LDLRAD3: variants seen among roughly 807,000 people sequenced by gnomAD.
The protein encoded by LDLRAD3 is low density lipoprotein receptor class A domain containing 3, also known as low-density lipoprotein receptor class A domain-containing protein 3.
A neutral mutation model predicts 29.4 loss-of-function variants in LDLRAD3; 20 were observed. The ratio of observed to expected loss-of-function variants is 0.68; its 90% CI spans 0.48 to 0.99. LDLRAD3 has a LOEUF of 0.99. LDLRAD3 is among the 50% of genes least tolerant of loss of function. The probability of loss-of-function intolerance (pLI) is 0.00; values close to 1 mark genes in which losing one functional copy is unlikely to be tolerated. For synonymous variants in LDLRAD3, 157 were observed against 192.7 expected (o/e 0.81, Z 1.53); for missense variants, 420 against 454.3 (o/e 0.92, Z 0.69).
intron 1 of LDLRAD3, among the ~76,000 whole-genome samples, chr11:36,023,080 A>C (rs1242816979): frequency 6.6e-6 from 1 of 152,232 alleles, no homozygotes; most frequent in African/African-American, 2.4e-5. Flanking sequence ...GGGATGGACC[A>C]GTTTAATGGA....
chr11:36,052,337 A>G (rs908192380), intron 2 of LDLRAD3, among the ~76,000 whole-genome samples: 4 of 152,230 alleles, frequency 2.6e-5, no homozygotes, highest in Non-Finnish European at 5.9e-5. Context: ...GAAATCAAAT[A>G]GATCGCAGAT....
chr11:36,146,773 C>CTTTACTTTATTTTATTTTAT (rs1854200856), intron 4 of LDLRAD3, among the ~76,000 whole-genome samples: 4 of 143,742 alleles, frequency 2.8e-5, no homozygotes, highest in Non-Finnish European at 6.0e-5. Context: ...TTTCCCTCTA[C>CTTTACTTTATTTTATTTTAT]TTTATTTTAT....
At position 36,213,931 on chromosome 11, in the gene LDLRAD3, C is replaced by T. The variant is rs1277247508; in HGVS notation, c.455-13154C>T. Among the ~76,000 whole-genome samples, 1 of 152,182 alleles carries T rather than the reference C, an allele frequency of 6.6e-6. No homozygotes were observed. Among genetic ancestry groups the T allele is most frequent in the Non-Finnish European group, 1.5e-5 (1 of 68,040 alleles). On this transcript the variant is annotated intron_variant, in intron 4 of 5. Transcript: ENST00000315571. The surrounding 1 kb of genome is among the most constrained non-coding windows in gnomAD (Gnocchi z 4.1). ...TCTTCGTCCAGGTAAAAGGAAACTA[C>T]AGAAGCAAGCTCACAGTCGCTTCAC...
chr11:36,131,426 G>A (rs1051213722), intron 4 of LDLRAD3, among the ~76,000 whole-genome samples: 38 of 152,334 alleles, frequency 2.5e-4, no homozygotes, highest in African/African-American at 8.9e-4. Flanking sequence ...GCCTGGCAGT[G>A]TCCTGGAACG....
At chr11:36,128,141 T>TATA (rs1250416156) in intron 4 of LDLRAD3, among the ~76,000 whole-genome samples, 10 of 129,636 alleles carry the variant, frequency 7.7e-5, no homozygotes, top group East Asian at 2.6e-4. Flanking sequence ...TATATGTATA[T>TATA]GACATGTAGG....
intron 4 of LDLRAD3, among the ~76,000 whole-genome samples, chr11:36,221,815 C>A (rs1422926749): frequency 2.0e-5 from 3 of 152,090 alleles, no homozygotes; most frequent in Non-Finnish European, 4.4e-5. Context: ...CTGGAAGCTC[C>A]CAGTGTTACT....
chr11:35,967,946 C>T, intron 1 of LDLRAD3: 1 of 393,050 alleles, frequency 2.5e-6, no homozygotes, highest in Non-Finnish European at 4.9e-6. Context: ...GCCAAATTCT[C>T]AGGTGAAATC....
intron 2 of LDLRAD3, among the ~76,000 whole-genome samples, chr11:36,055,898 G>C (rs891209646): frequency 1.3e-5 from 2 of 150,076 alleles, no homozygotes; most frequent in African/African-American, 2.4e-5. Context: ...TGCACATGTA[G>C]GAATGAGTTT....
At chr11:35,974,953 A>G (rs1565135746) in intron 1 of LDLRAD3, among the ~76,000 whole-genome samples, 1 of 152,178 alleles carries the variant, frequency 6.6e-6, no homozygotes, top group Non-Finnish European at 1.5e-5. Flanking sequence ...GACCCCACCA[A>G]CTTTTAAGGA....
At chr11:36,028,753 G>A (rs1389840099) in intron 1 of LDLRAD3, among the ~76,000 whole-genome samples, 1 of 151,988 alleles carries the variant, frequency 6.6e-6, no homozygotes, top group African/African-American at 2.4e-5. Flanking sequence ...TAAAAAATTT[G>A]TAGAATATTC....
intron 4 of LDLRAD3, among the ~76,000 whole-genome samples, chr11:36,150,849 C>T (rs1854268935): frequency 6.6e-6 from 1 of 152,196 alleles, no homozygotes; most frequent in Non-Finnish European, 1.5e-5. Flanking sequence ...GGCCTTCTCT[C>T]TACCTCCTGC....
At chr11:36,074,067 G>A (rs1436536329) in intron 2 of LDLRAD3, among the ~76,000 whole-genome samples, 1 of 152,124 alleles carries the variant, frequency 6.6e-6, no homozygotes, top group Non-Finnish European at 1.5e-5. Context: ...CTCATATTAA[G>A]CATTCAGAAA....
rs1455267271 is a variant in LDLRAD3, at chr11:35,975,012, C to T, written c.46+30868C>T. Among the ~76,000 whole-genome samples the T allele has an allele frequency of 3.9e-5, 6 of 152,216 alleles. 1 individual carries two copies. The highest frequency in any genetic ancestry group is 8.8e-5 in the Non-Finnish European group (6 of 68,040). ...ATGCAATGGGGCTGAGCTCATCTTT[C>T]CTGATTCCCTGGTTAGGTGTGGAGC... On this transcript the variant is annotated intron_variant, in intron 1 of 5. Coordinates refer to ENST00000315571, the MANE Select transcript of LDLRAD3 (RefSeq NM_174902.4).
chr11:36,191,535 CCTGTCTCTCT>C (rs1854942340), intron 4 of LDLRAD3, among the ~76,000 whole-genome samples: 1 of 53,786 alleles, frequency 1.9e-5, no homozygotes, highest in Non-Finnish European at 3.6e-5. Flanking sequence ...AGAGCAAGAC[CCTGTCTCTCT>C]CTCTCTCTCT....
intron 1 of LDLRAD3, among the ~76,000 whole-genome samples, chr11:36,020,876 A>C (rs1306739512): frequency 6.6e-6 from 1 of 152,174 alleles, no homozygotes; most frequent in East Asian, 1.9e-4. Context: ...ATGCTTTTAG[A>C]AGCCAAGACT....
chr11:36,054,840 A>AATGGATGG (rs201580069), intron 2 of LDLRAD3, among the ~76,000 whole-genome samples: 2,099 of 133,782 alleles, frequency 0.016, 31 homozygotes, highest in African/African-American at 0.031. Context: ...TGGATGGATG[A>AATGGATGG]ATGGATGGAT....
chr11:36,127,089 G>A (rs1052795348), intron 4 of LDLRAD3, among the ~76,000 whole-genome samples: 2 of 151,698 alleles, frequency 1.3e-5, no homozygotes, highest in African/African-American at 2.4e-5. Context: ...AGAAAGACAC[G>A]CATTAAAAAA....
chr11:35,980,071 A>G (rs543415181), intron 1 of LDLRAD3, among the ~76,000 whole-genome samples: 1 of 152,356 alleles, frequency 6.6e-6, no homozygotes, highest in South Asian at 2.1e-4. Context: ...TCTCCAGAGA[A>G]GTATTTTTAT....
intron 4 of LDLRAD3, among the ~76,000 whole-genome samples, chr11:36,181,300 C>T (rs1854759439): frequency 6.6e-6 from 1 of 151,960 alleles, no homozygotes; most frequent in Non-Finnish European, 1.5e-5. Context: ...ACTACCCCTG[C>T]TTATTGTTCT....
Sources: allele counts gnomAD v4.1 joint callset (sites outside exome capture counted in the v4.1 genomes callset), GRCh38; gene constraint gnomAD v4.1.1; non-coding constraint Gnocchi (gnomAD v3.1); transcripts MANE v1.5; gene names NCBI Gene and HGNC (gene_info 2026-07-23, HGNC 2026-07-21).